PPARGC1A: variants seen among roughly 807,000 people sequenced by gnomAD.
The protein encoded by PPARGC1A is PPARG coactivator 1 alpha.
In PPARGC1A, 25 loss-of-function variants were observed where a neutral mutation model predicts 88.7. The observed-to-expected ratio is 0.28, with a 90% confidence interval of 0.21 to 0.39. The LOEUF (loss-of-function observed/expected upper bound fraction) is 0.39, where lower values mean the gene tolerates loss of function less well. Among genes scored for constraint, PPARGC1A ranks in the 10% least tolerant of loss-of-function variants. The pLI, the probability that PPARGC1A is intolerant of heterozygous loss-of-function variation, is 1.00. For missense variants in PPARGC1A, 880 were observed against 968.7 expected (o/e 0.91, Z 1.22); for synonymous variants, 363 against 355.6 (o/e 1.02, Z -0.24).
chr4:24,202,676 C>T, the PPARGC1A span, among the ~76,000 whole-genome samples: 6 of 152,288 alleles, frequency 3.9e-5, no homozygotes, highest in Non-Finnish European at 5.9e-5. Flanking sequence ...ACAGGGGACA[C>T]TGCCCACTCT....
At chr4:24,097,099 T>C in the PPARGC1A span, among the ~76,000 whole-genome samples, 1 of 152,060 alleles carries the variant, frequency 6.6e-6, no homozygotes, top group South Asian at 2.1e-4. Flanking sequence ...GTCTCAACAA[T>C]GGGGAAGGGA....
intron 2 of PPARGC1A, among the ~76,000 whole-genome samples, chr4:23,834,985 A>C (rs1400664346): frequency 2.0e-5 from 3 of 152,226 alleles, no homozygotes; most frequent in East Asian, 1.9e-4. Flanking sequence ...ACACACAGAC[A>C]CATATACACA....
chr4:23,795,819 A>G lies in PPARGC1A; in HGVS notation c.*3T>C. ...CCTCTGTCATCCTCAGCTAGGGAAC[A>G]TGTTACCTGCGCAAGCTTCTCTGAG... On this transcript the variant is annotated 3_prime_UTR_variant, in exon 13 of 13. Transcript: ENST00000264867. 2 of 1,605,438 alleles carry G rather than the reference A, an allele frequency of 1.2e-6. No individual in the cohort carries two copies. The highest frequency in any genetic ancestry group is 2.2e-5 in the South Asian group (2 of 90,382).
chr4:24,412,085 T>C, the PPARGC1A span, among the ~76,000 whole-genome samples: 1 of 152,232 alleles, frequency 6.6e-6, no homozygotes, highest in South Asian at 2.1e-4. Context: ...GGTAGGAAAC[T>C]GCCAAACAGT....
At chr4:23,831,344 TA>T (rs921020208) in intron 3 of PPARGC1A, among the ~76,000 whole-genome samples, 1 of 151,870 alleles carries the variant, frequency 6.6e-6, no homozygotes, top group Non-Finnish European at 1.5e-5. Context: ...CAAAAGATAG[TA>T]AAAAAAACTG....
At chr4:24,253,826 G>A in the PPARGC1A span, among the ~76,000 whole-genome samples, 1 of 152,140 alleles carries the variant, frequency 6.6e-6, no homozygotes, top group Admixed American at 6.5e-5. Flanking sequence ...AAAAGAAGAA[G>A]GTTACAACCA....
At chr4:24,218,315 T>C in the PPARGC1A span, among the ~76,000 whole-genome samples, 1 of 152,230 alleles carries the variant, frequency 6.6e-6, no homozygotes, top group African/African-American at 2.4e-5. Context: ...TTACCAAGCC[T>C]GGTACACAAA....
At chr4:23,968,441 C>T in the PPARGC1A span, among the ~76,000 whole-genome samples, 3 of 152,162 alleles carry the variant, frequency 2.0e-5, no homozygotes, top group Non-Finnish European at 4.4e-5. Context: ...CAGTCCAGTC[C>T]AGCCCAGCCC....
intron 2 of PPARGC1A, among the ~76,000 whole-genome samples, chr4:23,850,156 A>G (rs1729024502): frequency 6.6e-6 from 1 of 152,200 alleles, no homozygotes; most frequent in South Asian, 2.1e-4. Context: ...TGCAAAAGTA[A>G]TTGTGGTTTT....
At chr4:24,175,087 C>T in the PPARGC1A span, among the ~76,000 whole-genome samples, 5 of 152,146 alleles carry the variant, frequency 3.3e-5, no homozygotes, top group East Asian at 3.9e-4. Context: ...AGAGGCCTCG[C>T]GATATATATC....
chr4:24,318,904 C>T, the PPARGC1A span, among the ~76,000 whole-genome samples: 1 of 152,162 alleles, frequency 6.6e-6, no homozygotes, highest in Non-Finnish European at 1.5e-5. Context: ...ATTTCCCAGA[C>T]AAGGTAGGAT....
At chr4:23,956,703 T>A in the PPARGC1A span, among the ~76,000 whole-genome samples, 1 of 152,046 alleles carries the variant, frequency 6.6e-6, no homozygotes, top group Admixed American at 6.6e-5. Flanking sequence ...TAAAATACAA[T>A]GCAAATATTT....
At chr4:24,151,594 C>T in the PPARGC1A span, among the ~76,000 whole-genome samples, 1 of 152,292 alleles carries the variant, frequency 6.6e-6, no homozygotes, top group East Asian at 1.9e-4. Context: ...GTGCCAAGCA[C>T]TGTTCTAAGT....
At chr4:23,989,143 T>C in the PPARGC1A span, among the ~76,000 whole-genome samples, 3 of 151,888 alleles carry the variant, frequency 2.0e-5, no homozygotes, top group African/African-American at 4.8e-5. Flanking sequence ...AAAGTGTTTC[T>C]AATGTCCCAT....
the PPARGC1A span, among the ~76,000 whole-genome samples, chr4:24,202,792 G>A: frequency 6.6e-6 from 1 of 152,126 alleles, no homozygotes; most frequent in African/African-American, 2.4e-5. Context: ...GTCCAAGCGA[G>A]GTCATTACCT....
the PPARGC1A span, among the ~76,000 whole-genome samples, chr4:24,410,434 A>G: frequency 6.6e-6 from 1 of 152,188 alleles, no homozygotes; most frequent in African/African-American, 2.4e-5. Flanking sequence ...TTAGGCTAGC[A>G]TTTCCCAAAG....
chr4:24,266,594 G>C, the PPARGC1A span, among the ~76,000 whole-genome samples: 1 of 152,052 alleles, frequency 6.6e-6, no homozygotes, highest in East Asian at 1.9e-4. Flanking sequence ...TAAGGACCTT[G>C]AAGAAAATAA....
the PPARGC1A span, among the ~76,000 whole-genome samples, chr4:24,240,576 G>A: frequency 2.0e-5 from 3 of 152,160 alleles, no homozygotes; most frequent in East Asian, 5.8e-4. Flanking sequence ...ACCCCTGTAG[G>A]AGGGGGAAAA....
At chr4:24,216,712 T>C in the PPARGC1A span, among the ~76,000 whole-genome samples, 1 of 152,140 alleles carries the variant, frequency 6.6e-6, no homozygotes, top group African/African-American at 2.4e-5. Context: ...GTTTCCAGAA[T>C]ATACAAACAA....
Sources: gnomAD v4.1 joint callset for allele counts (sites outside exome capture counted in the v4.1 genomes callset) on GRCh38, gnomAD v4.1.1 for gene constraint, MANE v1.5 for transcripts, NCBI Gene and HGNC (gene_info 2026-07-23, HGNC 2026-07-21) for gene names.